The following PDSS2 variants were observed in gnomAD, a reference collection of about 807,000 sequenced individuals.
PDSS2 encodes decaprenyl diphosphate synthase subunit 2, also known as all trans-polyprenyl-diphosphate synthase PDSS2.
In PDSS2, 31 loss-of-function variants were observed where a neutral mutation model predicts 44.5. The ratio of observed to expected loss-of-function variants is 0.70; its 90% CI spans 0.52 to 0.94. The LOEUF (loss-of-function observed/expected upper bound fraction) is 0.94. PDSS2 is among the 40% of genes least tolerant of loss of function. The pLI is 0.00. For synonymous variants in PDSS2, 157 were observed against 180.3 expected, an observed-to-expected ratio of 0.87 and a Z score of 1.03; for missense variants, 452 against 482.2, an observed-to-expected ratio of 0.94 and a Z score of 0.59.
chr6:107,417,995 C>T (rs1780717283), intron 1 of PDSS2, among the ~76,000 whole-genome samples: 1 of 151,948 alleles, frequency 6.6e-6, no homozygotes, highest in East Asian at 1.9e-4. Context: ...ATCATATTTA[C>T]CATGATTATA....
chr6:107,241,563 G>A (rs1405599433), intron 4 of PDSS2, among the ~76,000 whole-genome samples: 1 of 151,814 alleles, frequency 6.6e-6, no homozygotes, highest in African/African-American at 2.4e-5. Flanking sequence ...AGCCAGGACG[G>A]CCTCGATCTC....
chr6:107,337,077 A>AAT (rs1562471259), intron 1 of PDSS2, among the ~76,000 whole-genome samples: 5 of 149,982 alleles, frequency 3.3e-5, no homozygotes, highest in East Asian at 2.0e-4. Context: ...ACACACACAC[A>AAT]AATAATAATA....
chr6:107,175,391 TCAA>T (rs1771753747), intron 7 of PDSS2, among the ~76,000 whole-genome samples: 1 of 152,106 alleles, frequency 6.6e-6, no homozygotes, highest in Admixed American at 6.6e-5. Context: ...AGTGCTGGAG[TCAA>T]GATGAGTTCT....
At chr6:107,269,729 T>C (rs1775532966) in intron 3 of PDSS2, among the ~76,000 whole-genome samples, 1 of 152,160 alleles carries the variant, frequency 6.6e-6, no homozygotes, top group Non-Finnish European at 1.5e-5. Flanking sequence ...TGGCGTGATC[T>C]GGGCTCACTG....
chr6:107,322,239 G>A (rs1777403318), intron 2 of PDSS2, among the ~76,000 whole-genome samples: 1 of 152,208 alleles, frequency 6.6e-6, no homozygotes, highest in Non-Finnish European at 1.5e-5. Flanking sequence ...TTGAGGCCAG[G>A]CCAGGTGTGG....
chr6:107,220,743 C>G (rs1298329552), intron 4 of PDSS2, among the ~76,000 whole-genome samples: 2 of 152,102 alleles, frequency 1.3e-5, no homozygotes, highest in African/African-American at 4.8e-5. Flanking sequence ...TTATAGTCCC[C>G]TGAAATCTAC....
rs114831149 is a variant in PDSS2, at chr6:107,390,300, G to A, written c.297-55968C>T. ...AACATCAACAGTGATAAGTCATAACGTAAAATGTAGTCCTGAAATTATGTG... is the reference window on the plus strand; with the variant it reads ...AACATCAACAGTGATAAGTCATAACATAAAATGTAGTCCTGAAATTATGTG... On this transcript the variant is annotated intron_variant, in intron 1 of 7. Coordinates refer to ENST00000369037, the MANE Select transcript of PDSS2 (RefSeq NM_020381.4). Among the ~76,000 whole-genome samples, 523 of 152,124 alleles carry A rather than the reference G, an allele frequency of 3.4e-3. 4 individuals carry two copies. The highest frequency in any genetic ancestry group is 0.012 in the African/African-American group (486 of 41,492).
At chr6:107,427,810 TA>T (rs1042218778) in intron 1 of PDSS2, among the ~76,000 whole-genome samples, 7 of 152,110 alleles carry the variant, frequency 4.6e-5, no homozygotes, top group East Asian at 3.9e-4. Flanking sequence ...ATTGTTACTT[TA>T]AAAAAAATGG....
At chr6:107,216,890 G>A (rs932148539) in intron 4 of PDSS2, among the ~76,000 whole-genome samples, 15 of 152,132 alleles carry the variant, frequency 9.9e-5, no homozygotes, top group African/African-American at 3.6e-4. Context: ...TTTAGATAGA[G>A]AGACAGACTA....
intron 2 of PDSS2, among the ~76,000 whole-genome samples, chr6:107,276,122 AG>A (rs1775773712): frequency 8.0e-6 from 1 of 124,234 alleles, no homozygotes; most frequent in African/African-American, 3.0e-5. Context: ...CTCAAAAAAA[AG>A]GAAAGAAAAG....
chr6:107,234,327 T>G (rs1320137759), intron 4 of PDSS2, among the ~76,000 whole-genome samples: 1 of 152,010 alleles, frequency 6.6e-6, no homozygotes, highest in Non-Finnish European at 1.5e-5. Flanking sequence ...TGCCTCAGCC[T>G]CCCGGGTAGC....
chr6:107,303,495 G>A (rs554493451), intron 2 of PDSS2, among the ~76,000 whole-genome samples: 1 of 152,044 alleles, frequency 6.6e-6, no homozygotes, highest in Non-Finnish European at 1.5e-5. Context: ...TTTAACATAT[G>A]TTTATAAACA....
intron 1 of PDSS2, among the ~76,000 whole-genome samples, chr6:107,339,093 T>C (rs774976555): frequency 2.6e-5 from 4 of 152,040 alleles, no homozygotes; most frequent in African/African-American, 4.8e-5. Flanking sequence ...CTCAAAGAAA[T>C]AAAAAACAGA....
At position 107,207,978 on chromosome 6, in the gene PDSS2, G is replaced by GTTTTTTTTT. The variant is rs756043067; in HGVS notation, c.1008+2452_1008+2460dup. ...TTTTAGTTTTCTCTGTCTATGACTT[G>GTTTTTTTTT]TTTTTTTTTTTTTTTTTTTTTTTAT... is the stretch of plus-strand genomic sequence containing the variant. On this transcript the variant is annotated intron_variant, in intron 6 of 7. Transcript: ENST00000369037. Among the ~76,000 whole-genome samples, 46 of 67,552 alleles carry GTTTTTTTTT rather than the reference G, an allele frequency of 6.8e-4. 3 individuals carry two copies. The highest frequency in any genetic ancestry group is 3.0e-3 in the East Asian group (5 of 1,662). 44.3% of individuals were successfully genotyped at this position (67,552 alleles called of 152,430 possible). A position where few individuals can be genotyped will look rare whatever the true frequency, so the allele number is the denominator to read the frequency against.
chr6:107,386,880 T>C (rs1303830570), intron 1 of PDSS2, among the ~76,000 whole-genome samples: 4 of 152,156 alleles, frequency 2.6e-5, no homozygotes, highest in Admixed American at 6.5e-5. Flanking sequence ...CATAAAACAA[T>C]GCAAAATTAA....
intron 3 of PDSS2, among the ~76,000 whole-genome samples, chr6:107,266,611 C>T (rs905511790): frequency 1.3e-5 from 2 of 152,160 alleles, no homozygotes; most frequent in African/African-American, 4.8e-5. Flanking sequence ...AGGTGTAAAC[C>T]TGTGCAGAGA....
intron 1 of PDSS2, among the ~76,000 whole-genome samples, chr6:107,424,059 T>TGG (rs200711944): frequency 5.6e-5 from 8 of 143,374 alleles, no homozygotes; most frequent in Admixed American, 1.4e-4. Flanking sequence ...TTTTTTTTTT[T>TGG]GGGACAGGGT....
chr6:107,226,074 C>T (rs576407562), intron 4 of PDSS2, among the ~76,000 whole-genome samples: 7 of 151,998 alleles, frequency 4.6e-5, no homozygotes, highest in East Asian at 3.9e-4. Flanking sequence ...TTTGGGAGGC[C>T]GAGGCAGGAG....
At chr6:107,429,831 C>T (rs1163025628) in intron 1 of PDSS2, among the ~76,000 whole-genome samples, 1 of 139,164 alleles carries the variant, frequency 7.2e-6, no homozygotes, top group Non-Finnish European at 1.5e-5. Flanking sequence ...TTGCAGTGAG[C>T]CAAGATCGCG....
Sources: gnomAD v4.1 joint callset for allele counts (sites outside exome capture counted in the v4.1 genomes callset) on GRCh38, gnomAD v4.1.1 for gene constraint, MANE v1.5 for transcripts, NCBI Gene and HGNC (gene_info 2026-07-23, HGNC 2026-07-21) for gene names.